The following PIK3AP1 variants were observed in gnomAD, a reference collection of about 807,000 sequenced individuals.
The protein encoded by PIK3AP1 is phosphoinositide-3-kinase adaptor protein 1.
Under a neutral mutation model 88.1 loss-of-function variants are expected in PIK3AP1, and 21 were observed. The ratio of observed to expected loss-of-function variants is 0.24; its 90% confidence interval spans 0.17 to 0.34. The LOEUF is 0.34. PIK3AP1 is among the 10% of genes least tolerant of loss of function. The pLI, the probability that PIK3AP1 is intolerant of heterozygous loss-of-function variation, is 1.00. For missense variants in PIK3AP1, 828 were observed against 1,035.7 expected, an observed-to-expected ratio of 0.80 and a Z score of 2.75; for synonymous variants, 398 against 400.0, an observed-to-expected ratio of 1.00 and a Z score of 0.06.
chr10:96,595,547 C>A lies in PIK3AP1; in HGVS notation c.*30G>T. The A allele has an allele frequency of 6.2e-7, 1 of 1,603,908 alleles. No homozygotes were observed. Among genetic ancestry groups the A allele is most frequent in the Non-Finnish European group, 8.5e-7 (1 of 1,171,404 alleles). ...GGCTGAAGACTGTGAGTCTTAAAGT[C>A]CTGAAGTAGGCAGGTTTTAGGAGGT... On this transcript the variant is annotated 3_prime_UTR_variant, in exon 17 of 17. Coordinates refer to ENST00000339364, the MANE Select transcript of PIK3AP1 (RefSeq NM_152309.3).
At chr10:96,669,560 T>TG (rs1843813385) in intron 2 of PIK3AP1, 1 of 150,930 alleles carries the variant, frequency 6.6e-6, no homozygotes, top group Non-Finnish European at 1.5e-5. Context: ...GGAAGCCGAG[T>TG]CGGGAGGATT....
At chr10:96,628,883 T>TAC in intron 8 of PIK3AP1, among the ~76,000 whole-genome samples, 1 of 12,798 alleles carries the variant, frequency 7.8e-5, no homozygotes, top group East Asian at 3.9e-3. Context: ...CACATATATA[T>TAC]ATATACATAT....
intron 1 of PIK3AP1, among the ~76,000 whole-genome samples, chr10:96,714,832 G>A (rs1430635442): frequency 6.6e-6 from 1 of 152,138 alleles, no homozygotes; most frequent in Non-Finnish European, 1.5e-5. Flanking sequence ...ATATACAGGA[G>A]TCCATACTGA....
chr10:96,669,530 C>T (rs916919969), intron 2 of PIK3AP1: 1 of 152,336 alleles, frequency 6.6e-6, no homozygotes, highest in South Asian at 2.1e-4. Context: ...GTGGCTCATA[C>T]CTGTAATCCA....
chr10:96,595,745 A>T, intron 16 of PIK3AP1, 111 bp from the exon 17 acceptor site: 1 of 994,040 alleles, frequency 1.0e-6, no homozygotes, highest in South Asian at 1.4e-5. Context: ...CACAATCCTC[A>T]ATGAGACAGG....
intron 1 of PIK3AP1, among the ~76,000 whole-genome samples, chr10:96,711,609 C>A (rs1844437293): frequency 6.6e-6 from 1 of 152,176 alleles, no homozygotes; most frequent in Admixed American, 6.5e-5. Context: ...GACCTAGAGG[C>A]TCTGAAAAGA....
At chr10:96,682,444 G>A (rs1844015948) in intron 2 of PIK3AP1, among the ~76,000 whole-genome samples, 1 of 152,076 alleles carries the variant, frequency 6.6e-6, no homozygotes, top group African/African-American at 2.4e-5. Flanking sequence ...CTGGCACATG[G>A]GAGTTCACCT....
At chr10:96,715,166 C>T (rs1308198349) in intron 1 of PIK3AP1, among the ~76,000 whole-genome samples, 2 of 152,192 alleles carry the variant, frequency 1.3e-5, no homozygotes, top group Non-Finnish European at 2.9e-5. Context: ...TGGTCTTCCT[C>T]CCTGAAACCC....
intron 2 of PIK3AP1, among the ~76,000 whole-genome samples, chr10:96,696,416 AT>A (rs1844222565): frequency 6.6e-6 from 1 of 152,178 alleles, no homozygotes. Context: ...GACAAGCCCT[AT>A]TGTGGTTTCA....
chr10:96,655,358 T>A (rs898320091), intron 3 of PIK3AP1, among the ~76,000 whole-genome samples: 1 of 152,048 alleles, frequency 6.6e-6, no homozygotes, highest in Non-Finnish European at 1.5e-5. Flanking sequence ...ACAAAAAAAA[T>A]TAGCCAGGCA....
At chr10:96,672,824 ATCC>A in intron 2 of PIK3AP1, among the ~76,000 whole-genome samples, 1 of 152,324 alleles carries the variant, frequency 6.6e-6, no homozygotes, top group Non-Finnish European at 1.5e-5. Flanking sequence ...GAGCTGCTCT[ATCC>A]TCAACCAAGA....
At position 96,609,799 on chromosome 10, in the gene PIK3AP1, C is replaced by T. The variant is rs1183246190; in HGVS notation, c.2083G>A (p.Glu695Lys). ...ATGACACTTTTCCTGGGGCCACTCT[C>T]ATAGACTCCAAACTCCACTTTTGCA... is the stretch of plus-strand genomic sequence containing the variant. ...LPAKVEFGVYESGPRKSVIPP... is the reference protein window; with the variant it reads ...LPAKVEFGVYKSGPRKSVIPP... The change falls in exon 14 of 17, where the codon GAG becomes AAG. Residue 695 changes from glutamate to lysine, a missense_variant. By Grantham distance (56) the Glu-to-Lys change is moderately conservative. Around this residue, in one of 3 missense-constraint regions of PIK3AP1, gnomAD observed 191 missense variants for 208.6 expected, o/e 0.92. Transcript: ENST00000339364. 1 of 1,614,190 alleles carries T rather than the reference C, an allele frequency of 6.2e-7. No homozygotes were observed. The highest frequency in any genetic ancestry group is 1.7e-5 in the Admixed American group (1 of 60,034).
At chr10:96,601,371 G>A (rs1429355807) in intron 16 of PIK3AP1, among the ~76,000 whole-genome samples, 2 of 150,216 alleles carry the variant, frequency 1.3e-5, no homozygotes, top group East Asian at 2.0e-4. Context: ...CTACTCGGAA[G>A]GCTGAGGCAG....
chr10:96,651,469 A>G, intron 5 of PIK3AP1, 40 bp downstream of exon 5: 1 of 1,614,050 alleles, frequency 6.2e-7, no homozygotes, highest in Non-Finnish European at 8.5e-7. Context: ...AGCAGAAATT[A>G]CATGCCCAGA....
chr10:96,650,429 T>C (rs4919050), intron 6 of PIK3AP1, among the ~76,000 whole-genome samples: 149,063 of 152,336 alleles, frequency 0.98, 72,986 homozygotes, highest in East Asian at 1. Flanking sequence ...TGTGACTCTC[T>C]CAGCTCCCAG....
intron 2 of PIK3AP1, among the ~76,000 whole-genome samples, chr10:96,692,791 G>A (rs1040813728): frequency 6.6e-6 from 1 of 152,092 alleles, no homozygotes; most frequent in South Asian, 2.1e-4. Context: ...AATCAAAACT[G>A]TGTTAATATA....
rs184573436 is a variant in PIK3AP1 at position 96,714,121 on chromosome 10, C to G, written c.14-4138G>C. 5.4e-4 allele frequency among the ~76,000 whole-genome samples: 82 copies of G among 151,952 alleles called. No homozygotes were observed. In the East Asian group the frequency reaches 0.01, roughly 19 times the overall value. The stretch of plus-strand genomic sequence containing the variant: ...CCCGGGAGGCGGAGGTTGCAGTGAG[C>G]TGAGATCGTGCCATTGCACTCCAGC... On this transcript the variant is annotated intron_variant, in intron 1 of 16. Transcript: ENST00000339364.
chr10:96,606,295 G>A (rs188971519), intron 14 of PIK3AP1, among the ~76,000 whole-genome samples: 6 of 152,110 alleles, frequency 3.9e-5, no homozygotes, highest in East Asian at 1.9e-4. Flanking sequence ...GTAGCCCCTC[G>A]GGCCCACGGG....
chr10:96,612,801 T>C (rs1017202282), intron 13 of PIK3AP1, among the ~76,000 whole-genome samples: 1 of 151,572 alleles, frequency 6.6e-6, no homozygotes, highest in African/African-American at 2.4e-5. Context: ...GTCTCACTTC[T>C]CCATCCCCTA....
Sources: allele counts gnomAD v4.1 joint callset (sites outside exome capture counted in the v4.1 genomes callset), GRCh38; gene constraint gnomAD v4.1.1; regional missense constraint gnomAD v4.1.1; transcripts MANE v1.5; gene names NCBI Gene and HGNC (gene_info 2026-07-23, HGNC 2026-07-21).